Variants in NDUFAF5 observed in about 807,000 individuals in gnomAD.
The protein encoded by NDUFAF5 is NADH:ubiquinone oxidoreductase complex assembly factor 5.
NDUFAF5 carries 34 observed loss-of-function variants against 48.9 expected under a neutral mutation model. The ratio of observed to expected loss-of-function variants is 0.70; its 90% CI spans 0.53 to 0.93. NDUFAF5 has a LOEUF of 0.93. Ranked by LOEUF, NDUFAF5 falls within the 40% of genes least tolerant of loss-of-function variation. The pLI, the probability that NDUFAF5 is intolerant of heterozygous loss-of-function variation, is 0.00. For synonymous variants in NDUFAF5, 153 were observed against 150.6 expected, an observed-to-expected ratio of 1.02 and a Z score of -0.12; for missense variants, 428 against 427.5, an observed-to-expected ratio of 1.00 and a Z score of -0.01.
intron 8 of NDUFAF5, among the ~76,000 whole-genome samples, chr20:13,811,072 T>C (rs1298485450): frequency 6.6e-6 from 1 of 152,030 alleles, no homozygotes; most frequent in South Asian, 2.1e-4. Flanking sequence ...GGTTTGCTAG[T>C]TAAAAGTGAC....
intron 1 of NDUFAF5, among the ~76,000 whole-genome samples, 162 bp downstream of exon 1, chr20:13,785,452 C>A (rs1267449325): frequency 1.3e-5 from 2 of 152,232 alleles, no homozygotes; most frequent in African/African-American, 4.8e-5. Flanking sequence ...AAGGCCTGGC[C>A]TCGGATATTT....
At chr20:13,814,621 G>A in intron 8 of NDUFAF5, 1 of 538,568 alleles carries the variant, frequency 1.9e-6, no homozygotes, top group Non-Finnish European at 3.2e-6. Context: ...TAAAAACACT[G>A]TGAGAGTCTT....
chr20:13,802,515 A>T (rs930535108), intron 7 of NDUFAF5, among the ~76,000 whole-genome samples: 5 of 152,016 alleles, frequency 3.3e-5, no homozygotes, highest in African/African-American at 1.2e-4. Context: ...CTAAAAATAC[A>T]AAAAATCAGC....
At position 13,820,988 on chromosome 20, in the gene NDUFAF5, G is replaced by A. The variant is rs1986948180; in HGVS notation, c.*3778G>A. The stretch of plus-strand genomic sequence containing the variant: ...AAGCAGACTTGCCTTTTCAGATATT[G>A]GTATATTTTAATTCTCTACCTGAAT... On this transcript the variant is annotated 3_prime_UTR_variant, in exon 11 of 11. Coordinates refer to ENST00000378106, the MANE Select transcript of NDUFAF5 (RefSeq NM_024120.5). 1 of 152,022 alleles carries A rather than the reference G, an allele frequency of 6.6e-6. No homozygotes were observed. The highest frequency in any genetic ancestry group is 2.4e-5 in the African/African-American group (1 of 41,368). The allele number at this position is 152,022 out of a possible 1,614,324, so 9.4% of individuals were successfully genotyped here. A position where few individuals can be genotyped will look rare whatever the true frequency, so the allele number is the denominator to read the frequency against.
rs1440317266 is a variant in NDUFAF5, at chr20:13,817,743, A to G, written c.*533A>G. ...ATGGTTTTACACCCCACCCTACCTT[A>G]GGGAAGAAGAAAACATTTTAAAGAA... On this transcript the variant is annotated 3_prime_UTR_variant, in exon 11 of 11. Transcript: ENST00000378106. 6.6e-6 allele frequency: 3 copies of G among 453,870 alleles called. No homozygotes were observed. The highest frequency in any genetic ancestry group is 4.7e-5 in the South Asian group (3 of 64,466). 28.1% of individuals were successfully genotyped at this position (453,870 alleles called of 1,614,324 possible).
rs73612314 is a variant in NDUFAF5 at position 13,788,416 on chromosome 20, T to C, written c.264-173T>C. Among the ~76,000 whole-genome samples, 15,342 of 152,252 alleles carry C rather than the reference T, an allele frequency of 0.1. 1,244 individuals are homozygous for C. The highest frequency in any genetic ancestry group is 0.42 in the East Asian group (2,185 of 5,168). Reference sequence around the variant, plus strand: ...CCTGTGAATAGCTAGCAGACAGACTTGCCTTGTACTGTAGGCTCTGGTATA... The same window carrying C: ...CCTGTGAATAGCTAGCAGACAGACTCGCCTTGTACTGTAGGCTCTGGTATA... On this transcript the variant is annotated intron_variant, in intron 2 of 10. Coordinates refer to ENST00000378106, the MANE Select transcript of NDUFAF5 (RefSeq NM_024120.5).
At chr20:13,812,954 G>A (rs1986052137) in intron 8 of NDUFAF5, 1 of 152,196 alleles carries the variant, frequency 6.6e-6, no homozygotes, top group South Asian at 2.1e-4. Context: ...AAGGTTTCTT[G>A]TTTGTTTGTT....
intron 7 of NDUFAF5, 92 bp downstream of exon 7, chr20:13,801,775 T>C (rs1984189867): frequency 9.3e-7 from 1 of 1,074,670 alleles, no homozygotes; most frequent in African/African-American, 1.6e-5. Context: ...GTGTTCATGG[T>C]TTCATGGCAC....
intron 6 of NDUFAF5, among the ~76,000 whole-genome samples, chr20:13,798,894 T>C (rs1405207745): frequency 1.3e-5 from 2 of 152,198 alleles, no homozygotes; most frequent in African/African-American, 2.4e-5. Flanking sequence ...TAAGTTTTTA[T>C]CGATTGACAC....
intron 5 of NDUFAF5, among the ~76,000 whole-genome samples, chr20:13,796,308 A>G (rs1983206432): frequency 6.6e-6 from 1 of 152,208 alleles, no homozygotes; most frequent in South Asian, 2.1e-4. Context: ...ACATTCTGTC[A>G]TGAAATGAAA....
intron 8 of NDUFAF5, chr20:13,816,179 C>G: frequency 2.2e-6 from 1 of 455,826 alleles, no homozygotes; most frequent in Non-Finnish European, 4.1e-6. Context: ...CTGGCTTTTG[C>G]CCAGCGGGCT....
chr20:13,816,553 G>A lies in NDUFAF5; in HGVS notation c.862+7G>A. ...GCTGCGGCAGTGTACAGAGGTAAGG[G>A]GCGACCACTCTTTCACCCGCCTCAC... On this transcript the variant is annotated splice_region_variant and intron_variant, in intron 9 of 10. Coordinates refer to ENST00000378106, the MANE Select transcript of NDUFAF5 (RefSeq NM_024120.5). 3 of 1,611,628 alleles carry A rather than the reference G, an allele frequency of 1.9e-6. No individual in the cohort carries two copies. Among genetic ancestry groups the A allele is most frequent in the Non-Finnish European group, 2.5e-6 (3 of 1,178,016 alleles).
In NDUFAF5 at chr20:13,817,279, T is replaced by C; in HGVS notation, c.*69T>C. ...TGGATAGCTTTAACATCTAAAATTA[T>C]TATATTTTGAAGCAAGAAGCACTCT... On this transcript the variant is annotated 3_prime_UTR_variant, in exon 11 of 11. Coordinates refer to ENST00000378106, the MANE Select transcript of NDUFAF5 (RefSeq NM_024120.5). The C allele has an allele frequency of 8.2e-7, 1 of 1,224,980 alleles. No homozygotes were observed. The allele number at this position is 1,224,980 out of a possible 1,614,324, so 75.9% of individuals were successfully genotyped here.
chr20:13,790,715 TC>T (rs944016039), intron 3 of NDUFAF5, among the ~76,000 whole-genome samples: 2 of 152,222 alleles, frequency 1.3e-5, no homozygotes, highest in African/African-American at 4.8e-5. Flanking sequence ...CCCATCTTCT[TC>T]CTTTCACTCC....
chr20:13,800,565 A>G (rs1983967640), intron 6 of NDUFAF5, among the ~76,000 whole-genome samples: 1 of 152,212 alleles, frequency 6.6e-6, no homozygotes, highest in Admixed American at 6.5e-5. Context: ...TTAAGTTACT[A>G]ATTAGAAATT....
intron 7 of NDUFAF5, among the ~76,000 whole-genome samples, chr20:13,805,318 T>C (rs939083524): frequency 1.3e-5 from 2 of 152,226 alleles, no homozygotes; most frequent in Non-Finnish European, 2.9e-5. Context: ...AGTTAAATTA[T>C]GTGAACTACA....
At chr20:13,795,498 A>G (rs374625573) in intron 5 of NDUFAF5, among the ~76,000 whole-genome samples, 11 of 152,222 alleles carry the variant, frequency 7.2e-5, no homozygotes, top group African/African-American at 2.4e-4. Context: ...GACAAACTCA[A>G]ACTAGGACAG....
At chr20:13,785,799 A>G (rs1980968129) in intron 1 of NDUFAF5, among the ~76,000 whole-genome samples, 1 of 152,248 alleles carries the variant, frequency 6.6e-6, no homozygotes, top group South Asian at 2.1e-4. Flanking sequence ...TATATTGATT[A>G]CATGTTGCAG....
Position 13,801,926 on chromosome 20 carries a change from A to G in NDUFAF5, c.717+243A>G. The stretch of plus-strand genomic sequence containing the variant: ...CCTTAAAAAGTAGCTCAAAAAATGT[A>G]TCATAGTTAACAAGACAAATTTCTA... On this transcript the variant is annotated intron_variant, in intron 7 of 10. Transcript: ENST00000378106. 1.6e-5 allele frequency: 7 copies of G among 449,602 alleles called. No homozygotes were observed. In the South Asian group the frequency reaches 1.8e-4, roughly 12 times the overall value. 27.9% of individuals were successfully genotyped at this position (449,602 alleles called of 1,614,324 possible).
Sources: gnomAD v4.1 joint callset for allele counts (sites outside exome capture counted in the v4.1 genomes callset) on GRCh38, gnomAD v4.1.1 for gene constraint, MANE v1.5 for transcripts, NCBI Gene and HGNC (gene_info 2026-07-23, HGNC 2026-07-21) for gene names.